The following RANBP2 variants were observed in gnomAD, a reference collection of about 807,000 sequenced individuals.
RANBP2 encodes E3 SUMO-protein ligase RanBP2.
Under a neutral mutation model 303.6 loss-of-function variants are expected in RANBP2, and 57 were observed. The observed-to-expected ratio is 0.19, with a 90% CI of 0.15 to 0.23. The LOEUF (loss-of-function observed/expected upper bound fraction) is 0.23. Among genes scored for constraint, RANBP2 ranks in the 10% least tolerant of loss-of-function variants. The probability of loss-of-function intolerance (pLI) is 1.00; values close to 1 mark genes in which losing one functional copy is unlikely to be tolerated. For missense variants in RANBP2, 3,138 were observed against 3,780.8 expected (o/e 0.83, Z 4.46); for synonymous variants, 1,167 against 1,301.5 (o/e 0.90, Z 2.23).
the RANBP2 span, among the ~76,000 whole-genome samples, chr2:109,103,291 G>C: frequency 6.6e-6 from 1 of 152,204 alleles, no homozygotes; most frequent in Non-Finnish European, 1.5e-5. Flanking sequence ...CCAAACATGA[G>C]GACCAAGACT....
chr2:109,550,748 A>C, the RANBP2 span, among the ~76,000 whole-genome samples: 1 of 152,100 alleles, frequency 6.6e-6, no homozygotes, highest in Non-Finnish European at 1.5e-5. Context: ...CTTTGTGTTC[A>C]CTTAAAAATT....
the RANBP2 span, among the ~76,000 whole-genome samples, chr2:109,372,705 T>C: frequency 5.9e-5 from 9 of 152,196 alleles, no homozygotes; most frequent in African/African-American, 2.2e-4. Flanking sequence ...TTCACTCTCC[T>C]GCTCTCACAC....
chr2:109,449,046 A>G, the RANBP2 span: 5 of 1,174,046 alleles, frequency 4.3e-6, no homozygotes, highest in East Asian at 1.3e-4. Context: ...CTGTCTGGAG[A>G]AACTTCAGAG....
chr2:109,617,157 G>C, the RANBP2 span: 2 of 166,492 alleles, frequency 1.2e-5, no homozygotes, highest in Non-Finnish European at 2.9e-5. Context: ...TCTATGACTT[G>C]TAGCAATGTT....
chr2:108,795,762 G>A, the RANBP2 span, among the ~76,000 whole-genome samples: 1 of 152,156 alleles, frequency 6.6e-6, no homozygotes, highest in South Asian at 2.1e-4. Flanking sequence ...GGAAATGAGA[G>A]GTGTTCTGAA....
the RANBP2 span, among the ~76,000 whole-genome samples, chr2:109,194,547 G>A: frequency 6.6e-6 from 1 of 152,264 alleles, no homozygotes; most frequent in East Asian, 1.9e-4. Context: ...ACTGAAGGGC[G>A]AGGAGCACCC....
chr2:109,458,601 A>AGAGAGAGAGAGAGAGAGAGT, the RANBP2 span, among the ~76,000 whole-genome samples: 1 of 148,956 alleles, frequency 6.7e-6, no homozygotes, highest in Non-Finnish European at 1.5e-5. Context: ...AGAGAGAGAG[A>AGAGAGAGAGAGAGAGAGAGT]ATTTATTTAT....
chr2:108,877,471 A>C, the RANBP2 span, among the ~76,000 whole-genome samples: 1 of 152,104 alleles, frequency 6.6e-6, no homozygotes, highest in Non-Finnish European at 1.5e-5. Flanking sequence ...GTCTCAAAAA[A>C]ATAAAAATAA....
the RANBP2 span, among the ~76,000 whole-genome samples, chr2:109,265,549 C>T: frequency 7.4e-4 from 113 of 152,300 alleles, 1 homozygote; most frequent in East Asian, 0.02. Context: ...TCCCTGCAAG[C>T]CCAGGTCTCC....
the RANBP2 span, among the ~76,000 whole-genome samples, chr2:108,806,640 G>A: frequency 6.6e-6 from 1 of 152,156 alleles, no homozygotes; most frequent in Non-Finnish European, 1.5e-5. Context: ...AACGAGCGTG[G>A]CTGTGTTCCA....
the RANBP2 span, among the ~76,000 whole-genome samples, chr2:109,319,202 A>T: frequency 6.6e-6 from 1 of 152,204 alleles, no homozygotes; most frequent in Non-Finnish European, 1.5e-5. Flanking sequence ...TATATGCCAG[A>T]TAGTGACAGT....
the RANBP2 span, chr2:108,794,715 A>G: frequency 1.3e-4 from 208 of 1,609,280 alleles, 1 homozygote; most frequent in Middle Eastern, 2.6e-3. Context: ...TACATCTGAA[A>G]TTGCAGGTAA....
the RANBP2 span, among the ~76,000 whole-genome samples, chr2:109,719,188 C>T: frequency 1.6e-4 from 24 of 149,748 alleles, no homozygotes; most frequent in African/African-American, 5.9e-4. Flanking sequence ...CCTCCGCCTC[C>T]CAGGTTCAAG....
the RANBP2 span, among the ~76,000 whole-genome samples, chr2:109,197,258 G>A: frequency 1.6e-3 from 243 of 152,258 alleles, no homozygotes; most frequent in African/African-American, 5.1e-3. Context: ...AGGGTAATTC[G>A]TTGGTCGTTA....
the RANBP2 span, among the ~76,000 whole-genome samples, chr2:109,321,816 A>G: frequency 6.6e-6 from 1 of 152,228 alleles, no homozygotes; most frequent in Non-Finnish European, 1.5e-5. Flanking sequence ...ACATTTTGAC[A>G]TCAGAGGCTG....
chr2:108,921,964 G>T, the RANBP2 span, among the ~76,000 whole-genome samples: 6 of 152,248 alleles, frequency 3.9e-5, no homozygotes, highest in African/African-American at 1.4e-4. Flanking sequence ...GCAGGCAAGG[G>T]CTGGGGGTGG....
At chr2:108,747,127 C>G (rs758771142) in intron 8 of RANBP2, among the ~76,000 whole-genome samples, 35 of 152,168 alleles carry the variant, frequency 2.3e-4, no homozygotes, top group African/African-American at 8.2e-4. Context: ...CCAGCTGATT[C>G]TAAAAACACT....
the RANBP2 span, among the ~76,000 whole-genome samples, chr2:108,881,985 A>G: frequency 6.6e-6 from 1 of 152,076 alleles, no homozygotes; most frequent in Non-Finnish European, 1.5e-5. Context: ...TTCTACAAAA[A>G]GAGCAAAAAC....
chr2:109,092,628 G>T, the RANBP2 span, among the ~76,000 whole-genome samples: 1 of 152,164 alleles, frequency 6.6e-6, no homozygotes, highest in African/African-American at 2.4e-5. Context: ...AAGCCAGTCT[G>T]TTGTTCTGGA....
Sources: gnomAD v4.1 joint callset for allele counts (sites outside exome capture counted in the v4.1 genomes callset) on GRCh38, gnomAD v4.1.1 for gene constraint, MANE v1.5 for transcripts, NCBI Gene and HGNC (gene_info 2026-07-23, HGNC 2026-07-21) for gene names.